Variants in CRB1 observed in about 807,000 individuals in gnomAD.
CRB1 encodes crumbs cell polarity complex component 1, also known as protein crumbs homolog 1.
CRB1 carries 83 observed loss-of-function variants against 120.0 expected under a neutral mutation model. That is an observed-to-expected ratio of 0.69 (90% CI 0.58 to 0.83). The LOEUF is 0.83. CRB1 is among the 40% of genes least tolerant of loss of function. The pLI, the probability that CRB1 is intolerant of heterozygous loss-of-function variation, is 0.00. For missense variants in CRB1, 1,699 were observed against 1,687.6 expected (o/e 1.01, Z -0.12); for synonymous variants, 625 against 612.5 (o/e 1.02, Z -0.30).
intron 5 of CRB1, among the ~76,000 whole-genome samples, chr1:197,378,802 A>G (rs985041124): frequency 6.6e-6 from 1 of 152,232 alleles, no homozygotes; most frequent in Non-Finnish European, 1.5e-5. Flanking sequence ...TCTTTTGTTA[A>G]CATTTTATTG....
At chr1:197,294,669 A>G (rs568131764) in intron 1 of CRB1, among the ~76,000 whole-genome samples, 5 of 152,292 alleles carry the variant, frequency 3.3e-5, no homozygotes, top group South Asian at 4.1e-4. Flanking sequence ...ATGTCCATCA[A>G]TGATAGACAG....
chr1:197,321,410 T>C (rs1658186516), intron 1 of CRB1, among the ~76,000 whole-genome samples: 1 of 152,238 alleles, frequency 6.6e-6, no homozygotes, highest in Non-Finnish European at 1.5e-5. Context: ...AACCTAGGTT[T>C]TCCCCAAATT....
intron 5 of CRB1, among the ~76,000 whole-genome samples, chr1:197,367,871 G>C (rs983777199): frequency 6.6e-6 from 1 of 152,046 alleles, no homozygotes; most frequent in Non-Finnish European, 1.5e-5. Flanking sequence ...TCAAACCTCG[G>C]GCAAAAATAT....
chr1:197,289,142 AAAC>A (rs1306682738), intron 1 of CRB1, among the ~76,000 whole-genome samples: 1 of 151,758 alleles, frequency 6.6e-6, no homozygotes, highest in African/African-American at 2.4e-5. Flanking sequence ...AAGCAAAACA[AAAC>A]AAAACAAAAA....
In CRB1 at chr1:197,459,765, C is replaced by T. The variant is rs554015859; in HGVS notation, c.4005+17473C>T. Among the ~76,000 whole-genome samples the T allele has an allele frequency of 9.6e-4, 146 of 152,098 alleles. 1 individual carries two copies. Among genetic ancestry groups the T allele is most frequent in the Middle Eastern group, 3.4e-3 (1 of 294 alleles). On this transcript the variant is annotated intron_variant, in intron 11 of 11. Coordinates refer to ENST00000367400, the MANE Select transcript of CRB1 (RefSeq NM_201253.3). Reference sequence around the variant, plus strand: ...AAAACTCCTGAATTATATTCTCAGACGAATTCTTTCATTTTGGAACTCAAA... The same window carrying T: ...AAAACTCCTGAATTATATTCTCAGATGAATTCTTTCATTTTGGAACTCAAA...
At chr1:197,219,763 A>C in the CRB1 span, among the ~76,000 whole-genome samples, 1 of 152,196 alleles carries the variant, frequency 6.6e-6, no homozygotes, top group Non-Finnish European at 1.5e-5. Context: ...ACTTACCTCT[A>C]AGTTTTATAC....
chr1:197,352,508 C>T (rs1303449185), intron 4 of CRB1, among the ~76,000 whole-genome samples: 1 of 152,018 alleles, frequency 6.6e-6, no homozygotes, highest in East Asian at 1.9e-4. Flanking sequence ...ACAACAAATA[C>T]CAGTTAATAA....
intron 6 of CRB1, among the ~76,000 whole-genome samples, chr1:197,422,189 A>G (rs1664371704): frequency 6.6e-6 from 1 of 152,212 alleles, no homozygotes; most frequent in Non-Finnish European, 1.5e-5. Flanking sequence ...TAAAAAAAAT[A>G]AGCAGATAGC....
chr1:197,356,895 T>A lies in CRB1; in HGVS notation c.1053T>A (p.Asn351Lys). 6.2e-7 allele frequency: 1 copy of A among 1,614,108 alleles called. No individual in the cohort carries two copies. The highest frequency in any genetic ancestry group is 8.5e-7 in the Non-Finnish European group (1 of 1,179,996). The change falls in exon 5 of 12, where the codon AAT becomes AAA. Residue 351 changes from asparagine (N) to lysine (K), a missense_variant. Coordinates refer to ENST00000367400, the MANE Select transcript of CRB1 (RefSeq NM_201253.3). The stretch of plus-strand genomic sequence containing the variant: ...GCAATAGTAACCCCTGCCAGTCCAA[T>A]GGGGAATGTGTGGAGCTGTCCTCAG... ...NECNSNPCQS[N>K]GECVELSSEK...
At chr1:197,442,739 G>C (rs2125514902) in intron 11 of CRB1, 1 of 282,110 alleles carries the variant, frequency 3.5e-6, no homozygotes, top group East Asian at 8.4e-5. Flanking sequence ...CTCCATTTCT[G>C]GGTATTTTCA....
At chr1:197,291,351 T>G (rs1439474008) in intron 1 of CRB1, among the ~76,000 whole-genome samples, 2 of 151,856 alleles carry the variant, frequency 1.3e-5, no homozygotes, top group Non-Finnish European at 2.9e-5. Flanking sequence ...TTTGCAAGTA[T>G]TTTATTTTAG....
chr1:197,223,301 T>G, the CRB1 span: 1 of 726,764 alleles, frequency 1.4e-6, no homozygotes. Flanking sequence ...AAATTGGCTG[T>G]TTTGTTAAAA....
the CRB1 span, among the ~76,000 whole-genome samples, chr1:197,237,301 C>G: frequency 6.6e-6 from 1 of 152,082 alleles, no homozygotes; most frequent in African/African-American, 2.4e-5. Flanking sequence ...AAATTTATTT[C>G]TTACAGTTCT....
At position 197,328,487 on chromosome 1, in the gene CRB1, A is replaced by G. The variant is rs1658652034; in HGVS notation, c.136A>G (p.Lys46Glu). The change falls in exon 2 of 12, where the codon AAA (lysine) becomes GAA (glutamate). Residue 46 changes from lysine to glutamate, a missense_variant. Physicochemically the swap from Lys to Glu is moderately conservative, Grantham distance 56. Coordinates refer to ENST00000367400, the MANE Select transcript of CRB1 (RefSeq NM_201253.3). ...TTCTTGCCAAAACAATTCTACATGC[A>G]AAGATTTTTCAAAAGACAATGATTG... ...SNSCQNNSTC[K>E]DFSKDNDCSC... 6.2e-7 allele frequency: 1 copy of G among 1,614,238 alleles called. No individual in the cohort carries two copies. Among genetic ancestry groups the G allele is most frequent in the African/African-American group, 1.3e-5 (1 of 75,050 alleles).
the CRB1 span, among the ~76,000 whole-genome samples, chr1:197,220,927 T>C: frequency 3.9e-5 from 6 of 152,168 alleles, no homozygotes; most frequent in Admixed American, 3.9e-4. Flanking sequence ...GAACTGTGAG[T>C]CAATTAAACC....
At chr1:197,349,739 T>C (rs976959994) in intron 4 of CRB1, among the ~76,000 whole-genome samples, 1 of 152,216 alleles carries the variant, frequency 6.6e-6, no homozygotes, top group Non-Finnish European at 1.5e-5. Flanking sequence ...CTATATATGT[T>C]ATGTCTTCCC....
At chr1:197,373,266 T>A (rs1661469020) in intron 5 of CRB1, among the ~76,000 whole-genome samples, 1 of 152,218 alleles carries the variant, frequency 6.6e-6, no homozygotes, top group African/African-American at 2.4e-5. Context: ...TTACTATAAG[T>A]AATTATACTA....
intron 5 of CRB1, among the ~76,000 whole-genome samples, chr1:197,371,592 T>C (rs908760509): frequency 1.3e-5 from 2 of 152,186 alleles, no homozygotes; most frequent in South Asian, 4.1e-4. Context: ...TCATACGTTA[T>C]CCTGTTCCTG....
At chr1:197,396,409 CT>C (rs1488517794) in intron 5 of CRB1, among the ~76,000 whole-genome samples, 1 of 152,090 alleles carries the variant, frequency 6.6e-6, no homozygotes, top group African/African-American at 2.4e-5. Context: ...AATTTAATCT[CT>C]GCATTCAATG....
Sources: allele counts gnomAD v4.1 joint callset (sites outside exome capture counted in the v4.1 genomes callset), GRCh38; gene constraint gnomAD v4.1.1; transcripts MANE v1.5; gene names NCBI Gene and HGNC (gene_info 2026-07-23, HGNC 2026-07-21).